C10orf90: variants seen among roughly 807,000 people sequenced by gnomAD.
The protein encoded by C10orf90 is chromosome 10 open reading frame 90, also known as (E2-independent) E3 ubiquitin-conjugating enzyme FATS.
A neutral mutation model predicts 62.5 loss-of-function variants in C10orf90; 56 were observed. The observed-to-expected ratio is 0.90, with a 90% confidence interval of 0.72 to 1.12. The LOEUF is 1.12. Among genes scored for constraint, C10orf90 ranks in the 50% most tolerant of loss-of-function variants. C10orf90 has a pLI of 0.00. For synonymous variants in C10orf90, 386 were observed against 340.4 expected, an observed-to-expected ratio of 1.13 and a Z score of -1.47; for missense variants, 970 against 880.4, an observed-to-expected ratio of 1.10 and a Z score of -1.29.
At chr10:126,510,994 C>G (rs1239636746) in intron 3 of C10orf90, among the ~76,000 whole-genome samples, 1 of 152,230 alleles carries the variant, frequency 6.6e-6, no homozygotes, top group Non-Finnish European at 1.5e-5. Flanking sequence ...TGCTCTGCAG[C>G]CTACGATGTA....
At chr10:126,557,965 G>A (rs149875383) in intron 2 of C10orf90, among the ~76,000 whole-genome samples, 3 of 152,048 alleles carry the variant, frequency 2.0e-5, no homozygotes, top group African/African-American at 2.4e-5. Context: ...GGAAGCATTC[G>A]CCAGTCCACT....
intron 2 of C10orf90, among the ~76,000 whole-genome samples, chr10:126,610,310 T>C (rs763909220): frequency 6.6e-6 from 1 of 152,182 alleles, no homozygotes; most frequent in Non-Finnish European, 1.5e-5. Flanking sequence ...TACAGGCAAC[T>C]CCTCCTGACC....
intron 2 of C10orf90, among the ~76,000 whole-genome samples, chr10:126,596,752 A>C (rs774643892): frequency 9.2e-5 from 14 of 152,238 alleles, no homozygotes; most frequent in Non-Finnish European, 1.3e-4. Context: ...CCCGAAGTAT[A>C]GTTTCTATTG....
chr10:126,532,758 A>G (rs1208947133), intron 2 of C10orf90, among the ~76,000 whole-genome samples: 1 of 139,426 alleles, frequency 7.2e-6, no homozygotes, highest in Non-Finnish European at 1.5e-5. Flanking sequence ...AATGGCGTGA[A>G]CCCGGGAGGC....
chr10:126,528,706 G>T (rs1864015123), intron 2 of C10orf90, among the ~76,000 whole-genome samples: 1 of 152,146 alleles, frequency 6.6e-6, no homozygotes, highest in Non-Finnish European at 1.5e-5. Flanking sequence ...CAATAACCCT[G>T]ACCCCATCTG....
At chr10:126,615,986 A>C (rs1395920606) in intron 2 of C10orf90, among the ~76,000 whole-genome samples, 1 of 152,190 alleles carries the variant, frequency 6.6e-6, no homozygotes, top group African/African-American at 2.4e-5. Flanking sequence ...AGTGGCTTGT[A>C]CTATTAACCA....
intron 2 of C10orf90, among the ~76,000 whole-genome samples, chr10:126,574,767 G>A (rs947206321): frequency 2.0e-5 from 3 of 152,012 alleles, no homozygotes; most frequent in African/African-American, 4.8e-5. Context: ...CTAAAAATAG[G>A]AGGGAACTTC....
chr10:126,634,245 T>G (rs535649912), intron 2 of C10orf90, among the ~76,000 whole-genome samples: 1 of 152,270 alleles, frequency 6.6e-6, no homozygotes. Context: ...AATAGGTGAA[T>G]GGATAAAGAA....
chr10:126,479,208 T>G (rs551497799), intron 4 of C10orf90, among the ~76,000 whole-genome samples: 1 of 152,320 alleles, frequency 6.6e-6, no homozygotes, highest in East Asian at 1.9e-4. Context: ...GAAGGGGCTG[T>G]GCGTTATTCC....
At chr10:126,543,635 C>T (rs1864425568) in intron 2 of C10orf90, among the ~76,000 whole-genome samples, 1 of 152,296 alleles carries the variant, frequency 6.6e-6, no homozygotes. Context: ...ATGGTGGAGA[C>T]AAACAGCTAA....
chr10:126,502,722 C>T (rs2133880042), intron 4 of C10orf90: 1 of 475,480 alleles, frequency 2.1e-6, no homozygotes, highest in East Asian at 6.1e-5. Flanking sequence ...TTTCTGGAAT[C>T]ATCATCAATA....
At chr10:126,654,154 T>G (rs528497186) in intron 1 of C10orf90, among the ~76,000 whole-genome samples, 62 of 152,286 alleles carry the variant, frequency 4.1e-4, no homozygotes, top group Non-Finnish European at 8.2e-4. Context: ...GGTTTCAACT[T>G]AAGTTACCTG....
chr10:126,670,471 A>G lies in C10orf90; in HGVS notation c.10T>C (p.Ser4Pro). Residue 4 changes from serine to proline, a missense_variant, in exon 1 of 10, where the codon TCT (serine) becomes CCT (proline). Transcript: ENST00000488181. Reference sequence around the variant, plus strand: ...GGATGAGTTTTTGTAGGAATTCCAGAGTGCTGCATGAGACTCAGTATCTTG... The same window carrying G: ...GGATGAGTTTTTGTAGGAATTCCAGGGTGCTGCATGAGACTCAGTATCTTG... MQHSGIPTKTHPQG... is the reference protein window; with the variant it reads MQHPGIPTKTHPQG... The G allele has an allele frequency of 2.2e-6, 1 of 456,640 alleles. No homozygotes were observed. Among genetic ancestry groups the G allele is most frequent in the Non-Finnish European group, 4.4e-6 (1 of 226,952 alleles). 28.3% of individuals were successfully genotyped at this position (456,640 alleles called of 1,614,324 possible). A position where few individuals can be genotyped will look rare whatever the true frequency, so the allele number is the denominator to read the frequency against.
Position 126,570,200 on chromosome 10 carries a change from G to A in C10orf90, c.314-56261C>T, listed in dbSNP as rs145101824. Among the ~76,000 whole-genome samples the A allele has an allele frequency of 8.4e-3, 1,286 of 152,320 alleles. 22 individuals are homozygous for A. The highest frequency in any genetic ancestry group is 0.028 in the African/African-American group (1,171 of 41,582). On this transcript the variant is annotated intron_variant, in intron 2 of 9. Transcript: ENST00000488181. ...TGCCTTTGATTCCCCTGCACAGTAT[G>A]CTTTATGCCTGCGACTCAGAAACTC...
At chr10:126,443,329 G>A (rs545258967) in intron 7 of C10orf90, among the ~76,000 whole-genome samples, 1 of 152,182 alleles carries the variant, frequency 6.6e-6, no homozygotes, top group East Asian at 1.9e-4. Context: ...AATGAAATGG[G>A]AGATATTACA....
chr10:126,557,925 T>TG (rs1864814316), intron 2 of C10orf90, among the ~76,000 whole-genome samples: 2 of 151,906 alleles, frequency 1.3e-5, no homozygotes, highest in Admixed American at 1.3e-4. Context: ...TTTTTGCTCT[T>TG]GGGGGGTGAC....
At chr10:126,598,658 T>A (rs572268569) in intron 2 of C10orf90, among the ~76,000 whole-genome samples, 1 of 152,356 alleles carries the variant, frequency 6.6e-6, no homozygotes, top group South Asian at 2.1e-4. Flanking sequence ...GCAGTTGGTG[T>A]GTGAGCTGCT....
chr10:126,521,411 C>T (rs1278761642), intron 2 of C10orf90: 33 of 1,596,222 alleles, frequency 2.1e-5, no homozygotes, highest in Non-Finnish European at 2.3e-5. Flanking sequence ...AAAAAATGTC[C>T]GGAGTTTACC....
At chr10:126,604,557 A>G (rs140463315) in intron 2 of C10orf90, among the ~76,000 whole-genome samples, 211 of 152,292 alleles carry the variant, frequency 1.4e-3, no homozygotes, top group African/African-American at 4.7e-3. Flanking sequence ...CAGAAATGCA[A>G]ATGTGGACGT....
Sources: gnomAD v4.1 joint callset for allele counts (sites outside exome capture counted in the v4.1 genomes callset) on GRCh38, gnomAD v4.1.1 for gene constraint, MANE v1.5 for transcripts, NCBI Gene and HGNC (gene_info 2026-07-23, HGNC 2026-07-21) for gene names.